CADM1: variants seen among roughly 807,000 people sequenced by gnomAD.
The protein encoded by CADM1 is TSLC-1.
A neutral mutation model predicts 53.1 loss-of-function variants in CADM1; 15 were observed. The observed-to-expected ratio is 0.28, with a 90% confidence interval of 0.19 to 0.44. CADM1 has a LOEUF of 0.44. Ranked by LOEUF, CADM1 falls within the 20% of genes least tolerant of loss-of-function variation. CADM1 has a pLI of 1.00. For missense variants in CADM1, 434 were observed against 611.3 expected (o/e 0.71, Z 3.06); for synonymous variants, 281 against 243.0 (o/e 1.16, Z -1.45).
Position 115,190,510 on chromosome 11 carries a change from A to T in CADM1, c.1165+378T>A, listed in dbSNP as rs544234109. On this transcript the variant is annotated intron_variant, in intron 10 of 11. Coordinates refer to ENST00000331581, the MANE Select transcript of CADM1 (RefSeq NM_001301043.2). ...CAATGAGTTGCTTGTTTTTTTTTTT[A>T]AAAAAGATCTTGTCACATAATCCAA... The T allele has an allele frequency of 6.9e-3, 1,134 of 164,066 alleles. 16 individuals carry two copies. The highest frequency in any genetic ancestry group is 0.023 in the African/African-American group (963 of 41,460). 10.2% of individuals were successfully genotyped at this position (164,066 alleles called of 1,614,324 possible).
At chr11:115,471,781 G>C (rs1949017096) in intron 1 of CADM1, among the ~76,000 whole-genome samples, 1 of 152,190 alleles carries the variant, frequency 6.6e-6, no homozygotes, top group Admixed American at 6.5e-5. Flanking sequence ...AGATGGCAGT[G>C]AGCTATACTT....
At chr11:115,214,894 T>G in intron 6 of CADM1, 114 bp from the exon 7 acceptor site, 1 of 1,091,596 alleles carries the variant, frequency 9.2e-7, no homozygotes, top group South Asian at 1.3e-5. Flanking sequence ...ATATTTTAAG[T>G]TCACAGAATT....
intron 1 of CADM1, among the ~76,000 whole-genome samples, chr11:115,273,031 C>T (rs1253272180): frequency 6.6e-6 from 1 of 152,150 alleles, no homozygotes; most frequent in Non-Finnish European, 1.5e-5. Flanking sequence ...AGGGTCAATA[C>T]CGGGTCAGAA....
At chr11:115,290,802 C>T (rs1943875760) in intron 1 of CADM1, among the ~76,000 whole-genome samples, 1 of 152,150 alleles carries the variant, frequency 6.6e-6, no homozygotes. Context: ...GCTATTTCAA[C>T]TTGTTTAAAT....
chr11:115,426,320 G>C (rs1172155026), intron 1 of CADM1, among the ~76,000 whole-genome samples: 1 of 152,086 alleles, frequency 6.6e-6, no homozygotes, highest in African/African-American at 2.4e-5. Context: ...ACAAGACACA[G>C]GACCAGACTC....
chr11:115,242,540 C>T (rs1565320071), intron 1 of CADM1, among the ~76,000 whole-genome samples: 1 of 152,056 alleles, frequency 6.6e-6, no homozygotes, highest in Non-Finnish European at 1.5e-5. Flanking sequence ...AAAGCTACCA[C>T]TCTCACAGCC....
chr11:115,367,210 G>A (rs1946186777), intron 1 of CADM1, among the ~76,000 whole-genome samples: 1 of 152,192 alleles, frequency 6.6e-6, no homozygotes, highest in African/African-American at 2.4e-5. Flanking sequence ...GGGCCTCATA[G>A]CAAGGCCCCA....
chr11:115,381,563 G>A (rs1268700552), intron 1 of CADM1, among the ~76,000 whole-genome samples: 1 of 152,132 alleles, frequency 6.6e-6, no homozygotes, highest in African/African-American at 2.4e-5. Context: ...ATTTGACCTT[G>A]GGAAAGTCAC....
intron 1 of CADM1, among the ~76,000 whole-genome samples, chr11:115,319,824 A>G (rs1406994921): frequency 6.6e-6 from 1 of 152,190 alleles, no homozygotes; most frequent in Admixed American, 6.5e-5. Flanking sequence ...TTGCCATTAG[A>G]TAAACCATGT....
chr11:115,262,377 A>C (rs367638803), intron 1 of CADM1, among the ~76,000 whole-genome samples: 33 of 152,354 alleles, frequency 2.2e-4, no homozygotes, highest in African/African-American at 7.7e-4. Flanking sequence ...CGTCCCATAG[A>C]AAACACTGAA....
At chr11:115,194,310 G>A (rs1940043428) in intron 9 of CADM1, among the ~76,000 whole-genome samples, 1 of 152,138 alleles carries the variant, frequency 6.6e-6, no homozygotes, top group African/African-American at 2.4e-5. Flanking sequence ...TGAATATAAA[G>A]TATAATAAGA....
chr11:115,211,828 T>TA (rs1940980506), intron 7 of CADM1, among the ~76,000 whole-genome samples: 4 of 152,086 alleles, frequency 2.6e-5, no homozygotes, highest in African/African-American at 9.7e-5. Context: ...AGTGTTGACA[T>TA]AAAGTGTGTG....
At chr11:115,186,238 A>G (rs905110531) in intron 10 of CADM1, among the ~76,000 whole-genome samples, 1 of 152,122 alleles carries the variant, frequency 6.6e-6, no homozygotes, top group African/African-American at 2.4e-5. Flanking sequence ...ACTTAGGGTC[A>G]CCTCCCAGGG....
intron 1 of CADM1, among the ~76,000 whole-genome samples, chr11:115,351,134 C>CA (rs11378291): frequency 1 from 151,733 of 151,784 alleles, 75,841 homozygotes; most frequent in Middle Eastern, 1. Flanking sequence ...AGGAAACAAA[C>CA]AAAAAAAAGT....
intron 1 of CADM1, among the ~76,000 whole-genome samples, chr11:115,263,237 A>G (rs900461129): frequency 1.3e-5 from 2 of 152,172 alleles, no homozygotes. Context: ...ACCTTTCCAG[A>G]GTCTGTTCAT....
chr11:115,207,869 T>A (rs974649827), intron 8 of CADM1, among the ~76,000 whole-genome samples: 3 of 152,154 alleles, frequency 2.0e-5, no homozygotes, highest in Non-Finnish European at 4.4e-5. Context: ...TATTTTACAC[T>A]AGTATCTAAA....
Position 115,235,749 on chromosome 11 carries a change from G to T in CADM1, c.424+2751C>A, listed in dbSNP as rs929471003. Among the ~76,000 whole-genome samples, 18 of 152,104 alleles carry T rather than the reference G, an allele frequency of 1.2e-4. 1 individual carries two copies. The highest frequency in any genetic ancestry group is 1.2e-3 in the Admixed American group (18 of 15,268). ...AAATAATTAGGTTCTCCTGTTCCTG[G>T]AATCTTAAGAACGAACACTAATCTT... On this transcript the variant is annotated intron_variant, in intron 3 of 11. Coordinates refer to ENST00000331581, the MANE Select transcript of CADM1 (RefSeq NM_001301043.2).
At chr11:115,222,847 T>C (rs1941457077) in intron 5 of CADM1, among the ~76,000 whole-genome samples, 2 of 152,216 alleles carry the variant, frequency 1.3e-5, no homozygotes, top group South Asian at 4.1e-4. Flanking sequence ...ACTCACAGAA[T>C]ATTCTTCCAT....
intron 8 of CADM1, among the ~76,000 whole-genome samples, chr11:115,208,046 A>G (rs1325290042): frequency 6.6e-6 from 1 of 152,208 alleles, no homozygotes; most frequent in Non-Finnish European, 1.5e-5. Flanking sequence ...AATAGTATAG[A>G]AAATGGAAAG....
Sources: gnomAD v4.1 joint callset for allele counts (sites outside exome capture counted in the v4.1 genomes callset) on GRCh38, gnomAD v4.1.1 for gene constraint, MANE v1.5 for transcripts, NCBI Gene and HGNC (gene_info 2026-07-23, HGNC 2026-07-21) for gene names.